Variants in ADGRV1 observed in about 807,000 individuals in gnomAD.
The protein encoded by ADGRV1 is adhesion G protein-coupled receptor V1.
A neutral mutation model predicts 596.2 loss-of-function variants in ADGRV1; 359 were observed. The ratio of observed to expected loss-of-function variants is 0.60; its 90% CI spans 0.55 to 0.66. The LOEUF is 0.66. Ranked by LOEUF, ADGRV1 falls within the 30% of genes least tolerant of loss-of-function variation. The probability of loss-of-function intolerance (pLI) is 0.00; values close to 1 mark genes in which losing one functional copy is unlikely to be tolerated. For missense variants in ADGRV1, 7,274 were observed against 7,575.6 expected, an observed-to-expected ratio of 0.96 and a Z score of 1.48; for synonymous variants, 2,681 against 2,679.2, an observed-to-expected ratio of 1.00 and a Z score of -0.02.
intron 83 of ADGRV1, among the ~76,000 whole-genome samples, chr5:90,928,393 T>G (rs538625995): frequency 6.6e-6 from 1 of 151,324 alleles, no homozygotes; most frequent in African/African-American, 2.4e-5. Flanking sequence ...CATCTTCCAT[T>G]GCTGATACCC....
At chr5:91,005,704 C>G (rs1782210433) in intron 85 of ADGRV1, among the ~76,000 whole-genome samples, 1 of 152,126 alleles carries the variant, frequency 6.6e-6, no homozygotes, top group Admixed American at 6.6e-5. Context: ...TCCTGTTAGT[C>G]ACAGGGTTAT....
At chr5:90,563,537 C>T (rs973512735) in intron 1 of ADGRV1, among the ~76,000 whole-genome samples, 1 of 152,200 alleles carries the variant, frequency 6.6e-6, no homozygotes, top group Non-Finnish European at 1.5e-5. Context: ...CATACAATAG[C>T]TTCAAATAAA....
At chr5:90,826,970 A>G (rs915286366) in intron 76 of ADGRV1, among the ~76,000 whole-genome samples, 5 of 152,176 alleles carry the variant, frequency 3.3e-5, no homozygotes, top group African/African-American at 1.2e-4. Context: ...TATTTATCTT[A>G]TGATTCTATA....
intron 25 of ADGRV1, among the ~76,000 whole-genome samples, chr5:90,676,417 A>G (rs1744230015): frequency 1.3e-5 from 2 of 152,218 alleles, no homozygotes; most frequent in Non-Finnish European, 1.5e-5. Context: ...AATATAATCT[A>G]TATCAATCAT....
intron 84 of ADGRV1, among the ~76,000 whole-genome samples, chr5:90,974,014 A>T (rs1779315363): frequency 6.6e-6 from 1 of 152,224 alleles, no homozygotes; most frequent in African/African-American, 2.4e-5. Flanking sequence ...CAGGATAGAA[A>T]ATCAGTGTGC....
At chr5:90,614,755 T>C in intron 1 of ADGRV1, 80 bp from the exon 2 acceptor site, 1 of 1,052,168 alleles carries the variant, frequency 9.5e-7, no homozygotes, top group Non-Finnish European at 1.4e-6. Context: ...TCATACTATG[T>C]TTATATCTAT....
intron 87 of ADGRV1, among the ~76,000 whole-genome samples, chr5:91,111,230 G>A (rs753610794): frequency 4.0e-5 from 6 of 151,714 alleles, no homozygotes; most frequent in Non-Finnish European, 5.9e-5. Flanking sequence ...TCTCTCACTC[G>A]CTCTCTTACT....
intron 87 of ADGRV1, among the ~76,000 whole-genome samples, chr5:91,135,618 T>G (rs1362105658): frequency 6.6e-6 from 1 of 152,230 alleles, no homozygotes; most frequent in African/African-American, 2.4e-5. Flanking sequence ...AATCTGGTTT[T>G]TCCTGCCCTT....
At position 90,777,957 on chromosome 5, in the gene ADGRV1, T is replaced by C; in HGVS notation, c.12580T>C (p.Phe4194Leu). The change falls in exon 62 of 90, where the codon TTC becomes CTC. Residue 4194 changes from phenylalanine to leucine, a missense_variant. Coordinates refer to ENST00000405460, the MANE Select transcript of ADGRV1 (RefSeq NM_032119.4). Reference protein sequence around the residue: ...LGEVTVFWRIFPPSVGEFAET... With the variant: ...LGEVTVFWRILPPSVGEFAET... ...GGAGGTCACAGTGTTCTGGAGGATA[T>C]TCCCTCCTTCCGTGGGGGAATTTGC... 6.2e-7 allele frequency: 1 copy of C among 1,612,326 alleles called. No individual in the cohort carries two copies. The highest frequency in any genetic ancestry group is 1.7e-5 in the Admixed American group (1 of 59,814).
intron 87 of ADGRV1, among the ~76,000 whole-genome samples, chr5:91,137,717 A>G (rs1461125089): frequency 6.6e-6 from 1 of 152,230 alleles, no homozygotes; most frequent in Non-Finnish European, 1.5e-5. Flanking sequence ...TTCAGGGATC[A>G]GAGGAACTCC....
intron 83 of ADGRV1, among the ~76,000 whole-genome samples, chr5:90,868,964 C>T (rs917667807): frequency 1.1e-4 from 17 of 152,082 alleles, no homozygotes; most frequent in Non-Finnish European, 2.2e-4. Context: ...TCCAGCAGTT[C>T]GACCACTTCC....
chr5:90,648,182 G>C (rs1370725860), intron 17 of ADGRV1, among the ~76,000 whole-genome samples: 1 of 152,170 alleles, frequency 6.6e-6, no homozygotes, highest in African/African-American at 2.4e-5. Context: ...TCTGTAGGCA[G>C]CTAACTTCAA....
chr5:90,587,875 A>G (rs154563), intron 1 of ADGRV1, among the ~76,000 whole-genome samples: 39,112 of 152,016 alleles, frequency 0.26, 6,411 homozygotes, highest in African/African-American at 0.46. Flanking sequence ...TCTCTTAAGT[A>G]ATTATTATTT....
At chr5:90,654,884 C>G (rs536298691) in intron 20 of ADGRV1, 24 of 152,042 alleles carry the variant, frequency 1.6e-4, no homozygotes, top group African/African-American at 5.3e-4. Flanking sequence ...AGCCTTGATT[C>G]TTTTGGTGAT....
intron 83 of ADGRV1, among the ~76,000 whole-genome samples, chr5:90,953,432 C>T (rs998772911): frequency 6.6e-6 from 1 of 152,096 alleles, no homozygotes; most frequent in Non-Finnish European, 1.5e-5. Context: ...TCAGTGTTCC[C>T]ACAGCGTTCA....
intron 87 of ADGRV1, among the ~76,000 whole-genome samples, chr5:91,120,772 A>G (rs1438915957): frequency 1.3e-5 from 2 of 152,198 alleles, no homozygotes; most frequent in African/African-American, 2.4e-5. Context: ...GGAGGCAAAA[A>G]GTCACTCATT....
chr5:90,617,599 C>T (rs761951548), intron 2 of ADGRV1: 12 of 437,918 alleles, frequency 2.7e-5, no homozygotes, highest in Admixed American at 1.1e-4. Flanking sequence ...TGAGCCACTG[C>T]GCCTGGCCTG....
chr5:90,756,661 T>A, intron 56 of ADGRV1, 31 bp downstream of exon 56: 1 of 1,563,332 alleles, frequency 6.4e-7, no homozygotes, highest in Non-Finnish European at 8.8e-7. Flanking sequence ...TTTACAGTCA[T>A]ACAGAGGCCT....
intron 83 of ADGRV1, among the ~76,000 whole-genome samples, chr5:90,934,421 A>C (rs2150824606): frequency 6.6e-6 from 1 of 152,256 alleles, no homozygotes; most frequent in Non-Finnish European, 1.5e-5. Context: ...TTACCCTTCT[A>C]AGTCTAATAA....
Sources: gnomAD v4.1 joint callset for allele counts (sites outside exome capture counted in the v4.1 genomes callset) on GRCh38, gnomAD v4.1.1 for gene constraint, MANE v1.5 for transcripts, NCBI Gene and HGNC (gene_info 2026-07-23, HGNC 2026-07-21) for gene names.